Variants in TEAD4 observed in about 807,000 individuals in gnomAD.
TEAD4 encodes the protein transcriptional enhancer factor TEF-3.
TEAD4 carries 36 observed loss-of-function variants against 52.4 expected under a neutral mutation model. The ratio of observed to expected loss-of-function variants is 0.69; its 90% CI spans 0.53 to 0.91. The LOEUF is 0.91. TEAD4 is among the 40% of genes least tolerant of loss of function. The probability of loss-of-function intolerance (pLI) is 0.00; values close to 1 mark genes in which losing one functional copy is unlikely to be tolerated. For missense variants in TEAD4, 508 were observed against 583.9 expected, an observed-to-expected ratio of 0.87 and a Z score of 1.34; for synonymous variants, 220 against 231.0, an observed-to-expected ratio of 0.95 and a Z score of 0.43.
At chr12:3,032,895 G>A (rs1427211321) in intron 10 of TEAD4, among the ~76,000 whole-genome samples, 3 of 152,200 alleles carry the variant, frequency 2.0e-5, no homozygotes, top group African/African-American at 7.2e-5. Flanking sequence ...TGCGTCAATC[G>A]TGGGTCCTCA....
At chr12:2,973,893 G>A (rs2098227264) in intron 2 of TEAD4, among the ~76,000 whole-genome samples, 1 of 152,230 alleles carries the variant, frequency 6.6e-6, no homozygotes. Context: ...AAGGTGCTGG[G>A]TGTGTGGCTG....
intron 2 of TEAD4, among the ~76,000 whole-genome samples, chr12:2,961,716 C>G (rs979421439): frequency 1.3e-5 from 2 of 152,134 alleles, no homozygotes; most frequent in Non-Finnish European, 2.9e-5. Flanking sequence ...CTGGCACATC[C>G]CATGGACTCC....
chr12:3,001,793 G>A (rs2098251905), intron 3 of TEAD4, among the ~76,000 whole-genome samples: 1 of 145,606 alleles, frequency 6.9e-6, no homozygotes, highest in South Asian at 2.2e-4. Flanking sequence ...AAAAAAAAGT[G>A]GAATCAGGCC....
chr12:2,990,717 C>T (rs551085245), intron 2 of TEAD4, among the ~76,000 whole-genome samples: 7 of 152,142 alleles, frequency 4.6e-5, no homozygotes, highest in African/African-American at 1.7e-4. Flanking sequence ...CCGTCTGTCT[C>T]GGCCTCCCAA....
chr12:2,969,652 G>A (rs1032012438), intron 2 of TEAD4, among the ~76,000 whole-genome samples: 9 of 152,226 alleles, frequency 5.9e-5, no homozygotes, highest in Admixed American at 5.2e-4. Flanking sequence ...GTAGTACAGC[G>A]AAGCTGCACC....
chr12:3,036,119 C>T (rs2098279282), intron 10 of TEAD4, among the ~76,000 whole-genome samples: 3 of 152,118 alleles, frequency 2.0e-5, no homozygotes, highest in Non-Finnish European at 4.4e-5. Context: ...AGAGGCTGAG[C>T]ATTGACACGA....
At chr12:2,961,976 T>A (rs1217483796) in intron 2 of TEAD4, among the ~76,000 whole-genome samples, 1 of 151,918 alleles carries the variant, frequency 6.6e-6, no homozygotes, top group South Asian at 2.1e-4. Flanking sequence ...CAGACAGGGC[T>A]TTGTCACCAG....
Position 3,017,473 on chromosome 12 carries a change from T to C in TEAD4, c.430T>C (p.Phe144Leu). The C allele has an allele frequency of 1.9e-6, 3 of 1,614,176 alleles. No individual in the cohort carries two copies. The highest frequency in any genetic ancestry group is 2.5e-6 in the Non-Finnish European group (3 of 1,180,042). ...TGCACAGATCATCTCCGCCACGGCC[T>C]TCCACAGTAGCATGGCCCTCGCCCG... Residue 144 changes from phenylalanine to leucine, a missense_variant, in exon 6 of 13, where the codon TTC becomes CTC. Transcript: ENST00000359864.
At chr12:2,978,298 G>T (rs1322260697) in intron 2 of TEAD4, among the ~76,000 whole-genome samples, 1 of 152,052 alleles carries the variant, frequency 6.6e-6, no homozygotes, top group African/African-American at 2.4e-5. Flanking sequence ...CAATTGTGCT[G>T]CAGTCTCCTG....
At chr12:2,993,596 G>A (rs754503545) in intron 2 of TEAD4, among the ~76,000 whole-genome samples, 4 of 152,004 alleles carry the variant, frequency 2.6e-5, no homozygotes, top group Non-Finnish European at 5.9e-5. Context: ...TCACCCTCCA[G>A]AGTAGCTGGG....
chr12:3,033,175 G>T (rs1289857973), intron 10 of TEAD4, among the ~76,000 whole-genome samples: 1 of 152,196 alleles, frequency 6.6e-6, no homozygotes, highest in Non-Finnish European at 1.5e-5. Flanking sequence ...TCCGTCTCCA[G>T]TCCAGCCTCC....
chr12:2,961,494 C>T (rs1221307996), intron 2 of TEAD4, among the ~76,000 whole-genome samples: 1 of 151,994 alleles, frequency 6.6e-6, no homozygotes, highest in Non-Finnish European at 1.5e-5. Flanking sequence ...ACCTCTTCGG[C>T]CTGGTGTGCG....
chr12:2,975,809 C>CTGAT (rs2098229180), intron 2 of TEAD4, among the ~76,000 whole-genome samples: 1 of 152,146 alleles, frequency 6.6e-6, no homozygotes, highest in Non-Finnish European at 1.5e-5. Context: ...ATAGCATCAC[C>CTGAT]GTTCCCCAAA....
chr12:2,980,587 G>T (rs970422840), intron 2 of TEAD4, among the ~76,000 whole-genome samples: 1 of 152,062 alleles, frequency 6.6e-6, no homozygotes, highest in African/African-American at 2.4e-5. Flanking sequence ...ACAAAAATTA[G>T]CTGGGCATGG....
chr12:3,023,120 C>T (rs996186035), intron 10 of TEAD4, among the ~76,000 whole-genome samples: 2 of 152,188 alleles, frequency 1.3e-5, no homozygotes, highest in East Asian at 3.8e-4. Flanking sequence ...GAACTGAGAC[C>T]TAGGGCCCCT....
chr12:3,033,284 C>A (rs560250337), intron 10 of TEAD4, among the ~76,000 whole-genome samples: 105 of 152,348 alleles, frequency 6.9e-4, no homozygotes, highest in African/African-American at 2.4e-3. Context: ...GAAGTGGCAT[C>A]TGCCAGCCTG....
chr12:2,976,475 C>T (rs2098229795), intron 2 of TEAD4, among the ~76,000 whole-genome samples: 1 of 152,304 alleles, frequency 6.6e-6, no homozygotes, highest in Non-Finnish European at 1.5e-5. Flanking sequence ...ATTTGCCTTC[C>T]TCTGGGTACC....
Position 3,012,232 on chromosome 12 carries a change from G to A in TEAD4, c.354G>A (p.Lys118=), listed in dbSNP as rs2098260900. The change falls in exon 5 of 13, where the codon AAG becomes AAA. Residue 118 remains lysine, a splice_region_variant and synonymous_variant. Coordinates refer to ENST00000359864, the MANE Select transcript of TEAD4 (RefSeq NM_003213.4). ...CTCGCGAGATCCAGGCCAAGCTAAA[G>A]GTAAGGAAACTGCAGTGGGGGTGCT... The A allele has an allele frequency of 1.2e-6, 2 of 1,613,968 alleles. No individual in the cohort carries two copies. Among genetic ancestry groups the A allele is most frequent in the Non-Finnish European group, 1.7e-6 (2 of 1,179,978 alleles).
At chr12:2,993,241 A>G (rs990603420) in intron 2 of TEAD4, among the ~76,000 whole-genome samples, 1 of 152,184 alleles carries the variant, frequency 6.6e-6, no homozygotes, top group Non-Finnish European at 1.5e-5. Context: ...GAAACTCTGT[A>G]CCTGTCAAGT....
Sources: gnomAD v4.1 joint callset for allele counts (sites outside exome capture counted in the v4.1 genomes callset) on GRCh38, gnomAD v4.1.1 for gene constraint, MANE v1.5 for transcripts, NCBI Gene and HGNC (gene_info 2026-07-23, HGNC 2026-07-21) for gene names.